Variants in CCDC18 observed in about 807,000 individuals in gnomAD.
The protein encoded by CCDC18 is coiled-coil domain-containing protein 18.
A neutral mutation model predicts 196.0 loss-of-function variants in CCDC18; 157 were observed. The observed-to-expected ratio is 0.80, with a 90% CI of 0.70 to 0.91. The LOEUF (loss-of-function observed/expected upper bound fraction) is 0.91, where lower values mean the gene tolerates loss of function less well. Ranked by LOEUF, CCDC18 falls within the 40% of genes least tolerant of loss-of-function variation. The probability of loss-of-function intolerance (pLI) is 0.00; values close to 1 mark genes in which losing one functional copy is unlikely to be tolerated. For synonymous variants in CCDC18, 482 were observed against 529.2 expected, an observed-to-expected ratio of 0.91 and a Z score of 1.22; for missense variants, 1,465 against 1,611.6, an observed-to-expected ratio of 0.91 and a Z score of 1.56.
chr1:93,232,966 G>A (rs183292266), intron 18 of CCDC18, among the ~76,000 whole-genome samples: 31 of 150,922 alleles, frequency 2.1e-4, no homozygotes, highest in Admixed American at 1.3e-3. Flanking sequence ...GTGAGACTCC[G>A]CCTAAAAAAA....
chr1:93,194,769 A>G (rs1374703175), intron 6 of CCDC18, among the ~76,000 whole-genome samples: 1 of 152,256 alleles, frequency 6.6e-6, no homozygotes, highest in Non-Finnish European at 1.5e-5. Flanking sequence ...TGAAGACCAC[A>G]TTCACAATAT....
At chr1:93,211,015 G>C in intron 10 of CCDC18, 89 bp downstream of exon 10, 2 of 1,403,172 alleles carry the variant, frequency 1.4e-6, no homozygotes, top group African/African-American at 2.9e-5. Flanking sequence ...GGTGGCTCAT[G>C]CCTGTAATCC....
At chr1:93,269,527 TG>T (rs1293287802) in intron 27 of CCDC18, among the ~76,000 whole-genome samples, 1 of 151,740 alleles carries the variant, frequency 6.6e-6, no homozygotes, top group Non-Finnish European at 1.5e-5. Flanking sequence ...ATGCATTCTG[TG>T]GTTATGACAG....
At position 93,180,797 on chromosome 1, in the gene CCDC18, G is replaced by C; in HGVS notation, c.-58G>C. ...CGAGGCTTCCACGCGCAGGGGCCCG[G>C]GAAAGGGTCAGAGGCTTCCTAACGC... On this transcript the variant is annotated 5_prime_UTR_variant, in exon 1 of 29. Coordinates refer to ENST00000690025, the MANE Select transcript of CCDC18 (RefSeq NM_001378204.1). 1 of 1,367,830 alleles carries C rather than the reference G, an allele frequency of 7.3e-7. No homozygotes were observed. The highest frequency in any genetic ancestry group is 2.1e-4 in the Middle Eastern group (1 of 4,768). The allele number at this position is 1,367,830 out of a possible 1,614,324, so 84.7% of individuals were successfully genotyped here.
At chr1:93,225,635 G>A (rs924955017) in intron 16 of CCDC18, among the ~76,000 whole-genome samples, 4 of 152,076 alleles carry the variant, frequency 2.6e-5, no homozygotes, top group African/African-American at 9.7e-5. Context: ...AAATCAGCAA[G>A]ACATGGTGGT....
chr1:93,259,152 A>T (rs1041688196), intron 26 of CCDC18, among the ~76,000 whole-genome samples: 3 of 152,194 alleles, frequency 2.0e-5, no homozygotes, highest in African/African-American at 7.2e-5. Context: ...TGTGTCTAAA[A>T]TGGATATAAT....
intron 28 of CCDC18, chr1:93,271,307 C>A (rs995485244): frequency 1.2e-5 from 12 of 985,122 alleles, no homozygotes; most frequent in Non-Finnish European, 2.4e-6. Context: ...GGCCAACTGT[C>A]CTCATCCTTA....
At chr1:93,267,497 A>G (rs1664688202) in intron 27 of CCDC18, among the ~76,000 whole-genome samples, 1 of 152,216 alleles carries the variant, frequency 6.6e-6, no homozygotes, top group Non-Finnish European at 1.5e-5. Flanking sequence ...AGAGGAAGTC[A>G]AACTGTCCCT....
Position 93,183,376 on chromosome 1 carries a change from A to C in CCDC18, c.15A>C (p.Ser5=). The C allele has an allele frequency of 1.3e-6, 2 of 1,573,908 alleles. No individual in the cohort carries two copies. The highest frequency in any genetic ancestry group is 1.7e-6 in the Non-Finnish European group (2 of 1,158,582). ...TTTTTTAAGAAATGGAATCTAGTTC[A>C]TCAGACTACTATAATAAAGACAATG... MESS[S]SDYYNKDNEE... Residue 5 remains serine, a synonymous_variant, in exon 2 of 29, where the codon TCA becomes TCC. Coordinates refer to ENST00000690025, the MANE Select transcript of CCDC18 (RefSeq NM_001378204.1).
At chr1:93,204,251 G>GA (rs1654338216) in intron 7 of CCDC18, among the ~76,000 whole-genome samples, 1 of 152,034 alleles carries the variant, frequency 6.6e-6, no homozygotes, top group South Asian at 2.1e-4. Flanking sequence ...TTTTTTTAAT[G>GA]AAATAGGACA....
chr1:93,218,045 T>C (rs1656792609), intron 14 of CCDC18, among the ~76,000 whole-genome samples, 176 bp downstream of exon 14: 1 of 152,222 alleles, frequency 6.6e-6, no homozygotes, highest in African/African-American at 2.4e-5. Flanking sequence ...GAATATAGTA[T>C]GCCTTCTGTT....
chr1:93,255,159 G>C (rs986655141), intron 24 of CCDC18, among the ~76,000 whole-genome samples: 2 of 151,808 alleles, frequency 1.3e-5, no homozygotes, highest in Non-Finnish European at 2.9e-5. Context: ...CACCATATTG[G>C]CCAGGCTGGT....
chr1:93,197,299 GA>G (rs1178726634), intron 6 of CCDC18, among the ~76,000 whole-genome samples: 1 of 152,058 alleles, frequency 6.6e-6, no homozygotes, highest in Admixed American at 6.6e-5. Context: ...TAATAAAGGA[GA>G]AAAGGCACAA....
intron 14 of CCDC18, among the ~76,000 whole-genome samples, chr1:93,219,642 G>A (rs1657093094): frequency 6.6e-6 from 1 of 152,172 alleles, no homozygotes; most frequent in Non-Finnish European, 1.5e-5. Context: ...GCTCAGAACT[G>A]CAATTCAAAA....
chr1:93,265,289 G>C lies in CCDC18; in HGVS notation c.3885+388G>C, dbSNP rs1265503045. Among the ~76,000 whole-genome samples the C allele has an allele frequency of 1.3e-5, 2 of 152,216 alleles. 1 individual carries two copies. Among genetic ancestry groups the C allele is most frequent in the Middle Eastern group, 6.8e-3 (2 of 294 alleles). ...AGGCCGAGGTGGGCAGATCACTTGA[G>C]GTCAACAAGGGCAAAGACAATTTTT... is the stretch of plus-strand genomic sequence containing the variant. On this transcript the variant is annotated intron_variant, in intron 27 of 28. Coordinates refer to ENST00000690025, the MANE Select transcript of CCDC18 (RefSeq NM_001378204.1).
At chr1:93,276,478 TA>T (rs1665627030) in intron 28 of CCDC18, among the ~76,000 whole-genome samples, 1 of 152,176 alleles carries the variant, frequency 6.6e-6, no homozygotes, top group African/African-American at 2.4e-5. Context: ...TAGGAATTTA[TA>T]AAAAGTTATT....
chr1:93,196,117 G>A (rs1652677012), intron 6 of CCDC18, among the ~76,000 whole-genome samples: 2 of 152,160 alleles, frequency 1.3e-5, no homozygotes, highest in African/African-American at 4.8e-5. Flanking sequence ...GAGCTCATGA[G>A]TTCAGGACCA....
chr1:93,239,616 TAATA>T, intron 20 of CCDC18, 63 bp from the exon 21 acceptor site: 3 of 1,341,110 alleles, frequency 2.2e-6, no homozygotes, highest in Non-Finnish European at 3.1e-6. Flanking sequence ...TGAATATTCT[TAATA>T]TATACAAAGT....
chr1:93,226,527 AT>A (rs1477421793), intron 17 of CCDC18, 78 bp downstream of exon 17: 26 of 148,334 alleles, frequency 1.8e-4, no homozygotes, highest in African/African-American at 8.6e-4. Flanking sequence ...AGGACAAAAT[AT>A]ATATATATAT....
Sources: gnomAD v4.1 joint callset for allele counts (sites outside exome capture counted in the v4.1 genomes callset) on GRCh38, gnomAD v4.1.1 for gene constraint, MANE v1.5 for transcripts, NCBI Gene and HGNC (gene_info 2026-07-23, HGNC 2026-07-21) for gene names.